SH3PXD2A: variants seen among roughly 807,000 people sequenced by gnomAD.
SH3PXD2A encodes the protein SH3 and PX domains 2A.
SH3PXD2A carries 32 observed loss-of-function variants against 115.2 expected under a neutral mutation model. The observed-to-expected ratio is 0.28, with a 90% CI of 0.21 to 0.37. The LOEUF (loss-of-function observed/expected upper bound fraction) is 0.37, where lower values mean the gene tolerates loss of function less well. Among genes scored for constraint, SH3PXD2A ranks in the 10% least tolerant of loss-of-function variants. The pLI, the probability that SH3PXD2A is intolerant of heterozygous loss-of-function variation, is 1.00. For synonymous variants in SH3PXD2A, 610 were observed against 629.1 expected (o/e 0.97, Z 0.45); for missense variants, 1,328 against 1,498.7 (o/e 0.89, Z 1.88).
At chr10:103,847,847 G>A (rs958315047) in intron 1 of SH3PXD2A, among the ~76,000 whole-genome samples, 2 of 152,110 alleles carry the variant, frequency 1.3e-5, no homozygotes, top group South Asian at 2.1e-4. Flanking sequence ...GCTAAGGCAC[G>A]AGAATCGCTT....
At chr10:103,695,407 C>T (rs1303960582) in intron 5 of SH3PXD2A, among the ~76,000 whole-genome samples, 1 of 151,600 alleles carries the variant, frequency 6.6e-6, no homozygotes, top group Non-Finnish European at 1.5e-5. Flanking sequence ...ACAAGGGAGG[C>T]TGAGGTGGGA....
chr10:103,644,114 C>CAAA (rs71019685), intron 8 of SH3PXD2A, among the ~76,000 whole-genome samples: 6 of 72,264 alleles, frequency 8.3e-5, no homozygotes, highest in African/African-American at 1.2e-4. Flanking sequence ...GGCTCCATCC[C>CAAA]AAAAAAAAAA....
intron 4 of SH3PXD2A, among the ~76,000 whole-genome samples, chr10:103,733,981 T>C (rs2038352881): frequency 6.6e-6 from 1 of 152,030 alleles, no homozygotes; most frequent in South Asian, 2.1e-4. Context: ...GGTCTCAAAC[T>C]CCTGGCCTCA....
intron 3 of SH3PXD2A, chr10:103,747,060 C>T (rs965237529): frequency 9.8e-5 from 15 of 152,340 alleles, no homozygotes; most frequent in Non-Finnish European, 5.9e-5. Context: ...AGCACAAGGA[C>T]GGGCACACAG....
rs912119570 is a variant in SH3PXD2A, at chr10:103,652,089, G to A, written c.604+8894C>T. Among the ~76,000 whole-genome samples, 6 of 152,198 alleles carry A rather than the reference G, an allele frequency of 3.9e-5. No individual in the cohort carries two copies. In the East Asian group the frequency reaches 5.8e-4, roughly 15 times the overall value. On this transcript the variant is annotated intron_variant, in intron 8 of 14. Transcript: ENST00000369774. ...CTCCTGGGCCACTTCCCCACAATCCGATCCAATAAAAACTCAGGGGAGGCA... is the reference window on the plus strand; with the variant it reads ...CTCCTGGGCCACTTCCCCACAATCCAATCCAATAAAAACTCAGGGGAGGCA...
rs3740472 is a variant in SH3PXD2A, at chr10:103,602,530, C to G, written c.2688G>C (p.Leu896=). Residue 896 remains leucine (L), a synonymous_variant, in exon 15 of 15, where the codon CTG becomes CTC. Coordinates refer to ENST00000369774, the MANE Select transcript of SH3PXD2A (RefSeq NM_001394015.1). ...EGWAPSHYLV[L]DENEQPDPSG... ...AGGGGTCAGGTTGCTCGTTCTCATC[C>G]AGCACCAAATAGTGGGAAGGGGCCC... 140,574 of 1,614,090 alleles carry G rather than the reference C, an allele frequency of 0.087. 7,365 individuals carry two copies. The highest frequency in any genetic ancestry group is 0.25 in the East Asian group (11,286 of 44,856).
intron 5 of SH3PXD2A, among the ~76,000 whole-genome samples, chr10:103,716,597 G>A (rs559644137): frequency 2.6e-4 from 39 of 152,234 alleles, no homozygotes; most frequent in Non-Finnish European, 5.3e-4. Context: ...GGAGGTGACT[G>A]TCTACCCACT....
At position 103,602,880 on chromosome 10, in the gene SH3PXD2A, G is replaced by A. The variant is rs770297794; in HGVS notation, c.2338C>T (p.Arg780Cys). The A allele has an allele frequency of 3.7e-6, 6 of 1,613,960 alleles. No individual in the cohort carries two copies. The highest frequency in any genetic ancestry group is 2.2e-5 in the South Asian group (2 of 91,052). The change falls in exon 15 of 15, where the codon CGC becomes TGC. Residue 780 changes from arginine to cysteine, a missense_variant. By Grantham distance (180) the Arg-to-Cys change is radical. Transcript: ENST00000369774. The stretch of plus-strand genomic sequence containing the variant: ...AGCTGGCCTGTGGGTCTCAGCTGGC[G>A]CCGTAAAGTGCTGATGTCCATCTTC... ...QEKMDISTLRRQLRPTGQLRG... is the reference protein window; with the variant it reads ...QEKMDISTLRCQLRPTGQLRG...
Position 103,701,277 on chromosome 10 carries a change from TATCCATTCATCCATCCATCATCC to T in SH3PXD2A, c.399-8244_399-8222del, listed in dbSNP as rs2037898042. Among the ~76,000 whole-genome samples the T allele has an allele frequency of 6.0e-5, 8 of 133,068 alleles. No individual in the cohort carries two copies. In the South Asian group the frequency reaches 1.9e-3, roughly 32 times the overall value. The allele number at this position is 133,068 out of a possible 152,430, so 87.3% of individuals were successfully genotyped here. ...ATCCATCCACCATCCATCCATCATC[TATCCATTCATCCATCCATCATCC>T]ATCCATTCATCCATCCATCATCCAT... On this transcript the variant is annotated intron_variant, in intron 5 of 14. Transcript: ENST00000369774.
At chr10:103,789,048 C>T (rs2039008074) in intron 2 of SH3PXD2A, among the ~76,000 whole-genome samples, 1 of 152,094 alleles carries the variant, frequency 6.6e-6, no homozygotes, top group Non-Finnish European at 1.5e-5. Context: ...CCCAGAGGGA[C>T]GAATAACTCT....
chr10:103,760,884 T>A (rs918269398), intron 3 of SH3PXD2A, among the ~76,000 whole-genome samples: 38 of 152,296 alleles, frequency 2.5e-4, no homozygotes, highest in East Asian at 5.8e-4. Flanking sequence ...ATATTTTTTT[T>A]AAAAGTTCCT....
At chr10:103,854,894 A>G (rs1247535325) in intron 1 of SH3PXD2A, among the ~76,000 whole-genome samples, 1 of 152,128 alleles carries the variant, frequency 6.6e-6, no homozygotes, top group Non-Finnish European at 1.5e-5. Flanking sequence ...TGAGGGGTTG[A>G]CGAAAGCTCC....
In SH3PXD2A at chr10:103,732,223, C is replaced by T. The variant is rs879499843; in HGVS notation, c.306+3509G>A. On this transcript the variant is annotated intron_variant, in intron 4 of 14. Transcript: ENST00000369774. ...CAAACATGTATTTCACCCCTAGGAA[C>T]GGGGTAAATAGAGTCACTTAAAAAA... 9.2e-5 allele frequency among the ~76,000 whole-genome samples: 14 copies of T among 152,132 alleles called. No homozygotes were observed. The South Asian group carries it at 1.7e-3, about 18-fold the overall frequency.
At chr10:103,738,031 C>T (rs1589435641) in intron 3 of SH3PXD2A, among the ~76,000 whole-genome samples, 1 of 152,204 alleles carries the variant, frequency 6.6e-6, no homozygotes, top group Admixed American at 6.5e-5. Context: ...TCAGCAGATG[C>T]TCAATGAGTG....
At chr10:103,741,880 C>A (rs2038447450) in intron 3 of SH3PXD2A, among the ~76,000 whole-genome samples, 2 of 152,330 alleles carry the variant, frequency 1.3e-5, no homozygotes, top group South Asian at 4.1e-4. Context: ...CATGGTGGCT[C>A]ATGCCTGTAA....
intron 4 of SH3PXD2A, among the ~76,000 whole-genome samples, chr10:103,726,448 G>A (rs533130696): frequency 2.6e-5 from 4 of 152,340 alleles, no homozygotes; most frequent in Admixed American, 1.3e-4. Flanking sequence ...AGGCACCCAC[G>A]GAGGGTGGGA....
intron 6 of SH3PXD2A, among the ~76,000 whole-genome samples, chr10:103,674,549 C>T (rs573078434): frequency 1.2e-4 from 18 of 152,284 alleles, no homozygotes; most frequent in Admixed American, 1.0e-3. Context: ...AGGCTGGGCG[C>T]GGTGGCTCAC....
intron 2 of SH3PXD2A, 85 bp downstream of exon 2, chr10:103,801,197 G>GGGGGCT (rs2039143418): frequency 1.2e-6 from 1 of 807,196 alleles, no homozygotes. Flanking sequence ...CAGCTCTCTT[G>GGGGGCT]GGGGCTCCCT....
chr10:103,847,147 ATTTACTTATTTGT>A (rs1328292910), intron 1 of SH3PXD2A, among the ~76,000 whole-genome samples: 2 of 152,124 alleles, frequency 1.3e-5, no homozygotes, highest in Non-Finnish European at 2.9e-5. Flanking sequence ...GAAGCATTGC[ATTTACTTATTTGT>A]TTTTAGAGAC....
Sources: allele counts gnomAD v4.1 joint callset (sites outside exome capture counted in the v4.1 genomes callset), GRCh38; gene constraint gnomAD v4.1.1; transcripts MANE v1.5; gene names NCBI Gene and HGNC (gene_info 2026-07-23, HGNC 2026-07-21).